The following HPGDS variants were observed in gnomAD, a reference collection of about 807,000 sequenced individuals.
HPGDS encodes GST class-sigma.
A neutral mutation model predicts 23.1 loss-of-function variants in HPGDS; 26 were observed. That is an observed-to-expected ratio of 1.13 (90% CI 0.83 to 1.56). The LOEUF is 1.56. Among genes scored for constraint, HPGDS ranks in the 40% most tolerant of loss-of-function variants. The pLI, the probability that HPGDS is intolerant of heterozygous loss-of-function variation, is 0.00. For synonymous variants in HPGDS, 95 were observed against 77.9 expected (o/e 1.22, Z -1.16); for missense variants, 268 against 236.4 (o/e 1.13, Z -0.88).
intron 1 of HPGDS, among the ~76,000 whole-genome samples, chr4:94,337,610 G>A (rs527966969): frequency 1.3e-5 from 2 of 152,256 alleles, no homozygotes; most frequent in South Asian, 4.1e-4. Context: ...AGGAGGCAGA[G>A]GTTGCAGTGA....
intron 1 of HPGDS, among the ~76,000 whole-genome samples, chr4:94,338,958 T>C (rs1269884247): frequency 1.3e-5 from 2 of 152,186 alleles, no homozygotes; most frequent in Non-Finnish European, 2.9e-5. Context: ...ATGTACCAGA[T>C]AGCAAGACTT....
chr4:94,313,763 T>A (rs1256247715), intron 3 of HPGDS, among the ~76,000 whole-genome samples: 2 of 152,214 alleles, frequency 1.3e-5, no homozygotes, highest in Admixed American at 6.5e-5. Context: ...TCCCCATCAC[T>A]TTCAGGTACA....
intron 2 of HPGDS, 121 bp downstream of exon 2, chr4:94,334,376 C>T: frequency 1.1e-6 from 1 of 890,446 alleles, no homozygotes; most frequent in Non-Finnish European, 1.7e-6. Context: ...GTCTGAACTG[C>T]TGCTTTTCAA....
chr4:94,311,171 G>A (rs187286173), intron 3 of HPGDS, among the ~76,000 whole-genome samples: 30 of 152,046 alleles, frequency 2.0e-4, no homozygotes, highest in African/African-American at 3.6e-4. Context: ...TTCCAACACT[G>A]TGTTGAATAG....
intron 2 of HPGDS, among the ~76,000 whole-genome samples, chr4:94,328,579 T>G (rs933191880): frequency 6.6e-6 from 1 of 152,180 alleles, no homozygotes; most frequent in African/African-American, 2.4e-5. Context: ...AGCCACATAG[T>G]TTTAACCATT....
chr4:94,308,995 C>T (rs1233113508), intron 3 of HPGDS, among the ~76,000 whole-genome samples: 1 of 148,592 alleles, frequency 6.7e-6, no homozygotes, highest in Non-Finnish European at 1.5e-5. Flanking sequence ...GATATGCTTC[C>T]TCATCCCATG....
intron 2 of HPGDS, among the ~76,000 whole-genome samples, chr4:94,329,092 A>G (rs1435302171): frequency 6.6e-6 from 1 of 152,230 alleles, no homozygotes; most frequent in African/African-American, 2.4e-5. Flanking sequence ...TTGAAGCAAA[A>G]TATGTGAACA....
rs772442280 is a variant in HPGDS, at chr4:94,334,596, T to A, written c.34A>T (p.Arg12Trp). 1.2e-6 allele frequency: 2 copies of A among 1,613,308 alleles called. No individual in the cohort carries two copies. Residue 12 changes from arginine to tryptophan, a missense_variant, in exon 2 of 6, where the codon AGG (arginine) becomes TGG (tryptophan). Physicochemically the swap from Arg to Trp is moderately radical, Grantham distance 101 (BLOSUM62 -3). Coordinates refer to ENST00000295256, the MANE Select transcript of HPGDS (RefSeq NM_014485.3). ...PNYKLTYFNM[R>W]GRAEIIRYIF... ...TAACGAATAATTTCTGCTCTCCCCC[T>A]CATATTAAAATAAGTGAGTTTGTAG...
intron 3 of HPGDS, among the ~76,000 whole-genome samples, chr4:94,317,499 A>C (rs1756420649): frequency 6.6e-6 from 1 of 152,112 alleles, no homozygotes; most frequent in African/African-American, 2.4e-5. Flanking sequence ...AAGTCTAAGA[A>C]ATTTCAACCT....
At chr4:94,334,899 T>A (rs575853089) in intron 1 of HPGDS, among the ~76,000 whole-genome samples, 2 of 152,302 alleles carry the variant, frequency 1.3e-5, no homozygotes, top group East Asian at 3.9e-4. Context: ...ATAAAAATAT[T>A]CAGATTAAGA....
intron 4 of HPGDS, among the ~76,000 whole-genome samples, chr4:94,305,004 G>C (rs1474822586): frequency 6.6e-6 from 1 of 151,970 alleles, no homozygotes; most frequent in East Asian, 1.9e-4. Context: ...GAGAGCATCT[G>C]TTTCTACATT....
intron 2 of HPGDS, among the ~76,000 whole-genome samples, chr4:94,326,453 C>G (rs1339657278): frequency 6.6e-6 from 1 of 151,874 alleles, no homozygotes; most frequent in Non-Finnish European, 1.5e-5. Context: ...TTCAAAAGAC[C>G]TGTCTTCAAG....
intron 4 of HPGDS, among the ~76,000 whole-genome samples, chr4:94,306,523 A>G (rs563843217): frequency 7.9e-5 from 12 of 152,142 alleles, no homozygotes; most frequent in Non-Finnish European, 1.5e-4. Flanking sequence ...CAAAATCCTT[A>G]AATGGCTCAG....
chr4:94,301,852 C>G (rs866945164), intron 5 of HPGDS, among the ~76,000 whole-genome samples: 2 of 152,014 alleles, frequency 1.3e-5, no homozygotes, highest in African/African-American at 2.4e-5. Context: ...TAGTAGAGTA[C>G]ATATGTATTC....
chr4:94,316,375 A>C (rs1756398791), intron 3 of HPGDS, among the ~76,000 whole-genome samples: 1 of 150,248 alleles, frequency 6.7e-6, no homozygotes, highest in Admixed American at 6.6e-5. Context: ...AGATGATTCT[A>C]CATCCACAAA....
chr4:94,340,260 CCTTT>C (rs201837103), intron 1 of HPGDS, among the ~76,000 whole-genome samples: 4,266 of 81,136 alleles, frequency 0.053, 146 homozygotes, highest in East Asian at 0.091. Flanking sequence ...CTGGTCTAAA[CCTTT>C]CTTTCTTTCT....
At chr4:94,324,644 T>G (rs370327460) in intron 2 of HPGDS, among the ~76,000 whole-genome samples, 2 of 152,268 alleles carry the variant, frequency 1.3e-5, no homozygotes, top group East Asian at 3.9e-4. Context: ...CTGTTTATTC[T>G]AATTAACCAT....
chr4:94,340,347 T>TTTTTTTTTTTTTTG, intron 1 of HPGDS, among the ~76,000 whole-genome samples: 1 of 76,470 alleles, frequency 1.3e-5, no homozygotes, highest in African/African-American at 6.1e-5. Context: ...TTTTTTTTTT[T>TTTTTTTTTTTTTTG]TTTTTTTTTG....
chr4:94,302,678 G>T (rs1756066016), intron 4 of HPGDS, among the ~76,000 whole-genome samples: 1 of 151,958 alleles, frequency 6.6e-6, no homozygotes, highest in African/African-American at 2.4e-5. Context: ...CTTCTAGTTT[G>T]GCAGTTCTTC....
Sources: allele counts gnomAD v4.1 joint callset (sites outside exome capture counted in the v4.1 genomes callset), GRCh38; gene constraint gnomAD v4.1.1; transcripts MANE v1.5; gene names NCBI Gene and HGNC (gene_info 2026-07-23, HGNC 2026-07-21).